Variants in CYBB observed in about 807,000 individuals in gnomAD.
CYBB encodes the protein cytochrome b-245 beta chain, also known as NADPH oxidase 2.
CYBB carries 5 observed loss-of-function variants against 46.5 expected under a neutral mutation model. The ratio of observed to expected loss-of-function variants is 0.11; its 90% CI spans 0.06 to 0.23. The LOEUF (loss-of-function observed/expected upper bound fraction) is 0.23, where lower values mean the gene tolerates loss of function less well. Among genes scored for constraint, CYBB ranks in the 10% least tolerant of loss-of-function variants. The pLI is 1.00. For synonymous variants in CYBB, 183 were observed against 156.7 expected, an observed-to-expected ratio of 1.17 and a Z score of -1.26; for missense variants, 307 against 428.3, an observed-to-expected ratio of 0.72 and a Z score of 2.50.
At chrX:37,800,514 G>A (rs1192057691) in intron 7 of CYBB, among the ~76,000 whole-genome samples, 4 of 111,040 alleles carry the variant, frequency 3.6e-5, no homozygotes, top group African/African-American at 6.6e-5. Flanking sequence ...AATACATTCC[G>A]GAAAGTCATT....
At chrX:37,806,959 G>A (rs781953196) in intron 11 of CYBB, among the ~76,000 whole-genome samples, 23 of 109,882 alleles carry the variant, frequency 2.1e-4, no homozygotes, top group African/African-American at 7.0e-4. Context: ...TTCAACTTAT[G>A]ATTTTTCAAC....
chrX:37,803,510 A>G (rs1556470641), intron 8 of CYBB, among the ~76,000 whole-genome samples: 1 of 111,770 alleles, frequency 8.9e-6, no homozygotes. Context: ...TCTATAAGAG[A>G]TAAACCTGGA....
intron 9 of CYBB, among the ~76,000 whole-genome samples, chrX:37,804,663 C>T (rs1302766230): frequency 4.6e-5 from 5 of 108,324 alleles, no homozygotes; most frequent in African/African-American, 1.4e-4. Flanking sequence ...CAGGGTGCAC[C>T]GTATGCAAGA....
chrX:37,798,891 A>G lies in CYBB; in HGVS notation c.675-64A>G, dbSNP rs781869371. Reference sequence around the variant, plus strand: ...TCAGAGCACTTAAAATATATGCAGAATCTTTTAATAAAACAATTTAATTTC... The same window carrying G: ...TCAGAGCACTTAAAATATATGCAGAGTCTTTTAATAAAACAATTTAATTTC... On this transcript the variant is annotated intron_variant, in intron 6 of 12. Coordinates refer to ENST00000378588, the MANE Select transcript of CYBB (RefSeq NM_000397.4). 6.4e-5 allele frequency: 70 copies of G among 1,095,588 alleles called. No homozygotes were observed. In the African/African-American group the frequency reaches 1.2e-3, roughly 19 times the overall value. 90.3% of individuals were successfully genotyped at this position (1,095,588 alleles called of 1,213,427 possible).
At chrX:37,793,167 C>T (rs1392981009) in intron 4 of CYBB, among the ~76,000 whole-genome samples, 2 of 106,655 alleles carry the variant, frequency 1.9e-5, no homozygotes, top group Non-Finnish European at 3.9e-5. Flanking sequence ...GAGATTCATA[C>T]CTTATGGCCA....
At chrX:37,809,489 T>G in intron 11 of CYBB, 78 bp from the exon 12 acceptor site, 1 of 1,099,718 alleles carries the variant, frequency 9.1e-7, no homozygotes, top group Non-Finnish European at 1.2e-6. Flanking sequence ...TTAGAATAGC[T>G]TGTGAAGGAT....
chrX:37,805,240 T>C, intron 10 of CYBB, 72 bp downstream of exon 10: 1 of 1,074,967 alleles, frequency 9.3e-7, no homozygotes, highest in Non-Finnish European at 1.3e-6. Context: ...TGAGAGTGCT[T>C]TCAGGGCTAA....
At chrX:37,789,509 G>GA (rs1929147385) in intron 3 of CYBB, among the ~76,000 whole-genome samples, 1 of 83,841 alleles carries the variant, frequency 1.2e-5, no homozygotes, top group Non-Finnish European at 2.5e-5. Flanking sequence ...AAGAAAGAAA[G>GA]GAAGAAAGAA....
intron 7 of CYBB, among the ~76,000 whole-genome samples, chrX:37,800,384 C>G (rs1929411273): frequency 9.0e-6 from 1 of 111,474 alleles, no homozygotes; most frequent in Non-Finnish European, 1.9e-5. Flanking sequence ...TCAAGTTTGG[C>G]TGAAGATGGA....
At chrX:37,810,299 T>C (rs1556472916) in intron 12 of CYBB, among the ~76,000 whole-genome samples, 3 of 112,027 alleles carry the variant, frequency 2.7e-5, no homozygotes, top group Non-Finnish European at 5.6e-5. Flanking sequence ...GATACCAATT[T>C]AGAAGATTTG....
intron 1 of CYBB, among the ~76,000 whole-genome samples, chrX:37,781,260 A>C (rs1556464454): frequency 8.9e-6 from 1 of 112,601 alleles, no homozygotes; most frequent in African/African-American, 3.2e-5. Context: ...CCTCCTTCTA[A>C]ATTATATACT....
intron 3 of CYBB, among the ~76,000 whole-genome samples, chrX:37,785,495 A>G (rs916710775): frequency 1.1e-4 from 12 of 112,516 alleles, no homozygotes; most frequent in Non-Finnish European, 1.7e-4. Flanking sequence ...ATTGTAAAGT[A>G]TAACGTTTAA....
In CYBB at chrX:37,780,107, C is replaced by T. The variant is rs781966553; in HGVS notation, c.30C>T (p.Leu10=). Residue 10 remains leucine (L), a synonymous_variant, in exon 1 of 13, where the codon CTC becomes CTT. Transcript: ENST00000378588. The part of the protein sequence containing the change: MGNWAVNEG[L]SIFVILVWLG... The stretch of plus-strand genomic sequence containing the variant: ...GGAACTGGGCTGTGAATGAGGGGCT[C>T]TCCATTTTTGTCATTGTAAGTACCA... 92 of 1,206,850 alleles carry T rather than the reference C, an allele frequency of 7.6e-5. No individual in the cohort carries two copies. In the South Asian group the frequency reaches 1.3e-3, roughly 17 times the overall value.
In CYBB at chrX:37,813,048, C is replaced by G. The variant is rs1242708496; in HGVS notation, c.*2131C>G. On this transcript the variant is annotated 3_prime_UTR_variant, in exon 13 of 13. Transcript: ENST00000378588. ...AGAGTGTTTCTCCAAGGTTTTCTATCTTCAAAACCAACTAAGTTATGAAAG... is the reference window on the plus strand; with the variant it reads ...AGAGTGTTTCTCCAAGGTTTTCTATGTTCAAAACCAACTAAGTTATGAAAG... 2 of 111,286 alleles carry G rather than the reference C, an allele frequency of 1.8e-5. No individual in the cohort carries two copies. The highest frequency in any genetic ancestry group is 6.6e-5 in the African/African-American group (2 of 30,517). 9.2% of individuals were successfully genotyped at this position (111,286 alleles called of 1,213,427 possible).
At position 37,811,914 on chromosome X, in the gene CYBB, A is replaced by G. The variant is rs1246878074; in HGVS notation, c.*997A>G. On this transcript the variant is annotated 3_prime_UTR_variant, in exon 13 of 13. Coordinates refer to ENST00000378588, the MANE Select transcript of CYBB (RefSeq NM_000397.4). ...CTCATCTAGTCCTGCTCCTTGTGCTATAAAATAAATGCAGACTAATTTCCT... is the reference window on the plus strand; with the variant it reads ...CTCATCTAGTCCTGCTCCTTGTGCTGTAAAATAAATGCAGACTAATTTCCT... 1 of 111,706 alleles carries G rather than the reference A, an allele frequency of 9.0e-6. No homozygotes were observed. Among genetic ancestry groups the G allele is most frequent in the African/African-American group, 3.3e-5 (1 of 30,649 alleles). The allele number at this position is 111,706 out of a possible 1,213,427, so 9.2% of individuals were successfully genotyped here.
intron 3 of CYBB, among the ~76,000 whole-genome samples, chrX:37,788,609 T>A (rs140504495): frequency 9.0e-6 from 1 of 111,501 alleles, no homozygotes; most frequent in Admixed American, 9.5e-5. Flanking sequence ...AGGGACTAAC[T>A]ATGATAATTA....
Position 37,811,028 on chromosome X carries a change from A to C in CYBB, c.*111A>C. Reference sequence around the variant, plus strand: ...TAAAAATGGACAAAAAGAAACTATAATGTAATGGTTTTCCCTTAAAGGAAT... The same window carrying C: ...TAAAAATGGACAAAAAGAAACTATACTGTAATGGTTTTCCCTTAAAGGAAT... On this transcript the variant is annotated 3_prime_UTR_variant, in exon 13 of 13. Coordinates refer to ENST00000378588, the MANE Select transcript of CYBB (RefSeq NM_000397.4). The C allele has an allele frequency of 9.8e-6, 7 of 712,046 alleles. No individual in the cohort carries two copies. The highest frequency in any genetic ancestry group is 1.5e-5 in the Non-Finnish European group (7 of 477,207). The allele number at this position is 712,046 out of a possible 1,213,427, so 58.7% of individuals were successfully genotyped here. A position where few individuals can be genotyped will look rare whatever the true frequency, so the allele number is the denominator to read the frequency against.
chrX:37,798,566 A>C (rs950947399), intron 6 of CYBB, among the ~76,000 whole-genome samples: 3 of 112,040 alleles, frequency 2.7e-5, no homozygotes, highest in African/African-American at 9.7e-5. Flanking sequence ...CTTCATAGGA[A>C]GGGTACCATT....
chrX:37,781,976 A>G (rs1928960981), intron 1 of CYBB, 112 bp from the exon 2 acceptor site: 5 of 596,319 alleles, frequency 8.4e-6, no homozygotes, highest in Non-Finnish European at 1.5e-5. Flanking sequence ...CTTTGTCACT[A>G]CCTTTGTCAA....
Sources: allele counts gnomAD v4.1 joint callset (sites outside exome capture counted in the v4.1 genomes callset), GRCh38; gene constraint gnomAD v4.1.1; transcripts MANE v1.5; gene names NCBI Gene and HGNC (gene_info 2026-07-23, HGNC 2026-07-21).